DTNA: variants seen among roughly 807,000 people sequenced by gnomAD.
DTNA encodes dystrobrevin alpha, also known as dystrophin-related protein 3.
A neutral mutation model predicts 100.7 loss-of-function variants in DTNA; 43 were observed. The observed-to-expected ratio is 0.43, with a 90% CI of 0.33 to 0.55. The LOEUF is 0.55. Among genes scored for constraint, DTNA ranks in the 20% least tolerant of loss-of-function variants. DTNA has a pLI of 0.04. For synonymous variants in DTNA, 349 were observed against 347.9 expected (o/e 1.00, Z -0.04); for missense variants, 798 against 953.9 (o/e 0.84, Z 2.15).
Position 34,891,317 on chromosome 18 carries a change from T to C in DTNA, c.*3583T>C, listed in dbSNP as rs1222225387. On this transcript the variant is annotated 3_prime_UTR_variant, in exon 23 of 23. Transcript: ENST00000444659. ...TGGAACCTCCTGGGGACATGTTATA[T>C]TTTGAAGTGATTAAACTATTTAATT... The C allele has an allele frequency of 1.3e-5, 2 of 152,584 alleles. No homozygotes were observed. Among genetic ancestry groups the C allele is most frequent in the African/African-American group, 4.8e-5 (2 of 41,434 alleles). 9.5% of individuals were successfully genotyped at this position (152,584 alleles called of 1,614,324 possible). A position where few individuals can be genotyped will look rare whatever the true frequency, so the allele number is the denominator to read the frequency against.
intron 3 of DTNA, among the ~76,000 whole-genome samples, chr18:34,776,382 G>A (rs1379077029): frequency 6.6e-6 from 1 of 152,132 alleles, no homozygotes; most frequent in Non-Finnish European, 1.5e-5. Context: ...CGCCCAGGCT[G>A]GAGTGCAGTG....
intron 16 of DTNA, among the ~76,000 whole-genome samples, chr18:34,862,781 C>T (rs954474722): frequency 1.9e-4 from 29 of 152,074 alleles, no homozygotes; most frequent in Non-Finnish European, 2.9e-5. Flanking sequence ...GCGTAGGCAA[C>T]AGAGTGAGAC....
In DTNA at chr18:34,887,897, C is replaced by A; in HGVS notation, c.*163C>A. Reference sequence around the variant, plus strand: ...CGAAGAGAGGAACCACCACACCCAGCAGCTCCTGACAGACCCCCACCCCTA... The same window carrying A: ...CGAAGAGAGGAACCACCACACCCAGAAGCTCCTGACAGACCCCCACCCCTA... On this transcript the variant is annotated 3_prime_UTR_variant, in exon 23 of 23. Transcript: ENST00000444659. 4.1e-6 allele frequency: 4 copies of A among 986,864 alleles called. No individual in the cohort carries two copies. Among genetic ancestry groups the A allele is most frequent in the Non-Finnish European group, 3.6e-6 (3 of 830,290 alleles). The allele number at this position is 986,864 out of a possible 1,614,324, so 61.1% of individuals were successfully genotyped here.
intron 1 of DTNA, among the ~76,000 whole-genome samples, chr18:34,566,479 C>T (rs918736158): frequency 6.6e-6 from 1 of 152,172 alleles, no homozygotes; most frequent in African/African-American, 2.4e-5. Context: ...ACATGGCCTT[C>T]CCTTCATAAC....
intron 9 of DTNA, 174 bp downstream of exon 9, chr18:34,821,089 A>C: frequency 1.1e-6 from 1 of 891,796 alleles, no homozygotes. Context: ...GGTGTACAGT[A>C]CTTCCACCAG....
At position 34,875,235 on chromosome 18, in the gene DTNA, C is replaced by G; in HGVS notation, c.1744-4C>G. The G allele has an allele frequency of 6.2e-7, 1 of 1,613,762 alleles. No individual in the cohort carries two copies. Among genetic ancestry groups the G allele is most frequent in the Non-Finnish European group, 8.5e-7 (1 of 1,179,798 alleles). ...CAAATTAATGACCTGCATTGTCTCT[C>G]CAGACTCAGGGGGCAGGCTCTCCCC... On this transcript the variant is annotated splice_polypyrimidine_tract_variant and splice_region_variant and intron_variant, in intron 17 of 22. Transcript: ENST00000444659.
chr18:34,701,186 A>G (rs2081314119), intron 1 of DTNA, among the ~76,000 whole-genome samples: 1 of 152,104 alleles, frequency 6.6e-6, no homozygotes, highest in African/African-American at 2.4e-5. Flanking sequence ...TAAAGTTTCT[A>G]AAAACACAAA....
rs778158771 is a variant in DTNA, at chr18:34,794,259, C to A, written c.362+9C>A. ...CTTGCAGCGTTTGATCCGTAAGCAC[C>A]CTCTGAATGTCTGTTCCTCTCTACA... On this transcript the variant is annotated intron_variant, in intron 4 of 22. Transcript: ENST00000444659. The A allele has an allele frequency of 1.2e-6, 2 of 1,613,900 alleles. No homozygotes were observed. Among genetic ancestry groups the A allele is most frequent in the East Asian group, 4.5e-5 (2 of 44,884 alleles).
chr18:34,655,663 C>T (rs1386746433), intron 1 of DTNA, among the ~76,000 whole-genome samples: 1 of 152,128 alleles, frequency 6.6e-6, no homozygotes, highest in Non-Finnish European at 1.5e-5. Context: ...ATTGTGTCCT[C>T]TTTTCTATAA....
intron 11 of DTNA, among the ~76,000 whole-genome samples, chr18:34,834,225 G>A (rs2096081513): frequency 6.6e-6 from 1 of 152,090 alleles, no homozygotes; most frequent in Non-Finnish European, 1.5e-5. Flanking sequence ...GCTGGGCACG[G>A]TGGCTCACGC....
chr18:34,551,580 T>C (rs1022181662), intron 1 of DTNA, among the ~76,000 whole-genome samples: 1 of 152,128 alleles, frequency 6.6e-6, no homozygotes, highest in African/African-American at 2.4e-5. Flanking sequence ...AGGGAACTCA[T>C]TGCTGCATTG....
chr18:34,692,957 A>G (rs1317960066), intron 1 of DTNA, among the ~76,000 whole-genome samples: 1 of 152,210 alleles, frequency 6.6e-6, no homozygotes. Context: ...TCCTAGACAT[A>G]GTGATACTAT....
chr18:34,884,123 G>T (rs2096900024), intron 21 of DTNA, among the ~76,000 whole-genome samples: 1 of 152,066 alleles, frequency 6.6e-6, no homozygotes, highest in Non-Finnish European at 1.5e-5. Flanking sequence ...TAGAAGGAAA[G>T]AAAAATGTGA....
intron 1 of DTNA, among the ~76,000 whole-genome samples, chr18:34,659,768 A>G (rs1440887957): frequency 6.6e-6 from 1 of 152,116 alleles, no homozygotes. Context: ...TGAGCCTGTT[A>G]TCTTGCGCAT....
At chr18:34,785,515 T>C (rs929929789) in intron 3 of DTNA, among the ~76,000 whole-genome samples, 8 of 152,300 alleles carry the variant, frequency 5.3e-5, no homozygotes, top group African/African-American at 1.7e-4. Context: ...ATTTTACTCT[T>C]TTCCCATGTA....
At chr18:34,537,018 G>T (rs758274948) in intron 1 of DTNA, among the ~76,000 whole-genome samples, 3 of 151,826 alleles carry the variant, frequency 2.0e-5, no homozygotes, top group Non-Finnish European at 4.4e-5. Flanking sequence ...AAAAATTCAG[G>T]GACAATAAAA....
chr18:34,768,039 G>T (rs956262177), intron 3 of DTNA, among the ~76,000 whole-genome samples: 3 of 152,146 alleles, frequency 2.0e-5, no homozygotes, highest in Admixed American at 2.0e-4. Context: ...CACAGAAGAA[G>T]TTTCCTCTTC....
intron 15 of DTNA, among the ~76,000 whole-genome samples, chr18:34,854,480 G>A (rs2096529249): frequency 6.6e-6 from 1 of 152,110 alleles, no homozygotes; most frequent in Admixed American, 6.5e-5. Context: ...CATAATAAAG[G>A]CAACAGAAAG....
In DTNA at chr18:34,693,428, T is replaced by G. The variant is rs190058007; in HGVS notation, c.-1-62548T>G. 3.1e-3 allele frequency among the ~76,000 whole-genome samples: 478 copies of G among 152,194 alleles called. 5 individuals carry two copies. Among genetic ancestry groups the G allele is most frequent in the South Asian group, 0.021 (99 of 4,814 alleles). The stretch of plus-strand genomic sequence containing the variant: ...GAGAGCTTAAGTACTACCCAAATAA[T>G]TAGCAGCAAAGCCACAACTCAGACA... On this transcript the variant is annotated intron_variant, in intron 1 of 19. Transcript: ENST00000283365.
Sources: gnomAD v4.1 joint callset for allele counts (sites outside exome capture counted in the v4.1 genomes callset) on GRCh38, gnomAD v4.1.1 for gene constraint, MANE v1.5 for transcripts, NCBI Gene and HGNC (gene_info 2026-07-23, HGNC 2026-07-21) for gene names.